The following SLC26A3 variants were observed in gnomAD, a reference collection of about 807,000 sequenced individuals.
SLC26A3 encodes the protein chloride anion exchanger.
A neutral mutation model predicts 85.6 loss-of-function variants in SLC26A3; 64 were observed. That is an observed-to-expected ratio of 0.75 (90% CI 0.61 to 0.92). SLC26A3 has a LOEUF of 0.92. SLC26A3 is among the 40% of genes least tolerant of loss of function. The pLI, the probability that SLC26A3 is intolerant of heterozygous loss-of-function variation, is 0.00. For synonymous variants in SLC26A3, 349 were observed against 336.0 expected, an observed-to-expected ratio of 1.04 and a Z score of -0.42; for missense variants, 922 against 927.3, an observed-to-expected ratio of 0.99 and a Z score of 0.07.
At chr7:107,786,693 G>A in intron 8 of SLC26A3, 134 bp downstream of exon 8, 2 of 797,854 alleles carry the variant, frequency 2.5e-6, no homozygotes, top group Non-Finnish European at 4.5e-6. Flanking sequence ...CCTTCCTTAG[G>A]GATGCAGGGT....
intron 1 of SLC26A3, among the ~76,000 whole-genome samples, chr7:107,799,216 A>G (rs1202834831): frequency 3.9e-5 from 6 of 152,100 alleles, no homozygotes; most frequent in African/African-American, 1.4e-4. Context: ...TTCTATTACT[A>G]CATTGCCGAA....
intron 11 of SLC26A3, among the ~76,000 whole-genome samples, chr7:107,781,667 T>C (rs1403334650): frequency 6.6e-6 from 1 of 152,168 alleles, no homozygotes; most frequent in Non-Finnish European, 1.5e-5. Flanking sequence ...GGAGAATGCA[T>C]ATTTTTGGCA....
chr7:107,767,524 A>C, intron 20 of SLC26A3, 55 bp downstream of exon 20: 1 of 1,344,890 alleles, frequency 7.4e-7, no homozygotes, highest in Non-Finnish European at 1.1e-6. Context: ...ACTACTTTGA[A>C]GGTTTTTTTT....
At chr7:107,768,857 T>C (rs1249948056) in intron 18 of SLC26A3, among the ~76,000 whole-genome samples, 1 of 152,102 alleles carries the variant, frequency 6.6e-6, no homozygotes, top group Non-Finnish European at 1.5e-5. Context: ...GATTCTTCTG[T>C]TTACAGAAAG....
chr7:107,798,312 T>G (rs2115903618), intron 1 of SLC26A3, among the ~76,000 whole-genome samples: 1 of 152,176 alleles, frequency 6.6e-6, no homozygotes, highest in Non-Finnish European at 1.5e-5. Context: ...AGTTTAACTA[T>G]TCCCATGTAT....
intron 8 of SLC26A3, 149 bp downstream of exon 8, chr7:107,786,678 G>A (rs1794301219): frequency 1.2e-5 from 9 of 764,532 alleles, no homozygotes; most frequent in Admixed American, 1.8e-5. Flanking sequence ...AAGGAAAGCA[G>A]TGAGCCTTCC....
chr7:107,776,755 C>A (rs756379149), intron 13 of SLC26A3, 49 bp from the exon 14 acceptor site: 1 of 1,553,602 alleles, frequency 6.4e-7, no homozygotes, highest in South Asian at 1.1e-5. Context: ...GTTTGTTAAG[C>A]CTATAAGGCT....
In SLC26A3 at chr7:107,779,682, C is replaced by T. The variant is rs1248917553; in HGVS notation, c.1393G>A (p.Asp465Asn). The T allele has an allele frequency of 1.9e-6, 3 of 1,613,428 alleles. No individual in the cohort carries two copies. The East Asian group carries it at 6.7e-5, about 36-fold the overall frequency. ...CCTCTACTTACACAATCATATTTGT[C>T]CTTTCGCCACAATCTGCCTATTTCA... The part of the protein sequence containing the change: ...FAEIGRLWRK[D>N]KYDCLIWIMT... The change falls in exon 12 of 21, where the codon GAC becomes AAC. Residue 465 changes from aspartate to asparagine, a missense_variant. Physicochemically the swap from Asp to Asn is conservative, Grantham distance 23. Coordinates refer to ENST00000340010, the MANE Select transcript of SLC26A3 (RefSeq NM_000111.3).
In SLC26A3 at chr7:107,779,780, C is replaced by T; in HGVS notation, c.1312-17G>A. The T allele has an allele frequency of 1.3e-6, 2 of 1,593,764 alleles. No individual in the cohort carries two copies. The highest frequency in any genetic ancestry group is 1.1e-5 in the South Asian group (1 of 90,654). Reference sequence around the variant, plus strand: ...CAGGACGGACTGTGAAAAACACAAACATCAGATGTACTTTAAGTTAATGAA... The same window carrying T: ...CAGGACGGACTGTGAAAAACACAAATATCAGATGTACTTTAAGTTAATGAA... On this transcript the variant is annotated splice_polypyrimidine_tract_variant and intron_variant, in intron 11 of 20. Transcript: ENST00000340010.
intron 6 of SLC26A3, 142 bp from the exon 7 acceptor site, chr7:107,787,651 T>A: frequency 1.4e-6 from 1 of 701,926 alleles, no homozygotes; most frequent in Non-Finnish European, 2.4e-6. Context: ...TGCCCCGGTT[T>A]AATTGTGAAT....
At chr7:107,773,168 A>G (rs188458412) in intron 17 of SLC26A3, among the ~76,000 whole-genome samples, 3 of 152,306 alleles carry the variant, frequency 2.0e-5, no homozygotes, top group South Asian at 2.1e-4. Context: ...ATTCTTTCAT[A>G]TATCTATTTG....
intron 18 of SLC26A3, among the ~76,000 whole-genome samples, chr7:107,769,535 A>G (rs989945769): frequency 1.3e-5 from 2 of 152,130 alleles, no homozygotes; most frequent in East Asian, 3.8e-4. Flanking sequence ...ATGAGAACGT[A>G]TGGACACATG....
At chr7:107,800,355 A>G (rs1002146604) in intron 1 of SLC26A3, among the ~76,000 whole-genome samples, 3 of 152,108 alleles carry the variant, frequency 2.0e-5, no homozygotes, top group South Asian at 4.2e-4. Flanking sequence ...ACAAAACACA[A>G]CTCAGCTGAC....
At chr7:107,801,159 A>G (rs903599839) in intron 1 of SLC26A3, among the ~76,000 whole-genome samples, 3 of 152,206 alleles carry the variant, frequency 2.0e-5, no homozygotes, top group African/African-American at 7.2e-5. Context: ...GCTAATTTAC[A>G]GATGAAGAAA....
chr7:107,789,827 C>CAGGAGGCAGGGACA, intron 5 of SLC26A3, 139 bp from the exon 6 acceptor site: 2 of 895,118 alleles, frequency 2.2e-6, no homozygotes, highest in Non-Finnish European at 1.7e-6. Context: ...GCAAATGTCC[C>CAGGAGGCAGGGACA]TGCCTCCTGG....
chr7:107,801,925 CAAAA>C (rs11356401), intron 1 of SLC26A3, among the ~76,000 whole-genome samples: 95 of 91,240 alleles, frequency 1.0e-3, no homozygotes, highest in African/African-American at 3.1e-3. Flanking sequence ...ACTGAAAATA[CAAAA>C]AAAAAAAAAA....
At chr7:107,787,023 G>T in intron 7 of SLC26A3, 114 bp from the exon 8 acceptor site, 1 of 904,348 alleles carries the variant, frequency 1.1e-6, no homozygotes. Flanking sequence ...AAGAACTCCA[G>T]CCCAGGCTTT....
intron 7 of SLC26A3, 52 bp from the exon 8 acceptor site, chr7:107,786,961 C>G (rs757220308): frequency 6.8e-7 from 1 of 1,477,704 alleles, no homozygotes; most frequent in Admixed American, 1.7e-5. Context: ...AAGTAAGAGT[C>G]TTGCTTTGAA....
At chr7:107,787,249 C>T in intron 7 of SLC26A3, 108 bp downstream of exon 7, 1 of 1,093,292 alleles carries the variant, frequency 9.1e-7, no homozygotes, top group South Asian at 1.3e-5. Flanking sequence ...CCGAAAACTG[C>T]AGAGATGGCC....
Sources: allele counts gnomAD v4.1 joint callset (sites outside exome capture counted in the v4.1 genomes callset), GRCh38; gene constraint gnomAD v4.1.1; transcripts MANE v1.5; gene names NCBI Gene and HGNC (gene_info 2026-07-23, HGNC 2026-07-21).